CSMD1: variants seen among roughly 807,000 people sequenced by gnomAD.
CSMD1 encodes the protein CUB and Sushi multiple domains 1.
Under a neutral mutation model 417.5 loss-of-function variants are expected in CSMD1, and 213 were observed. The observed-to-expected ratio is 0.51, with a 90% CI of 0.46 to 0.57. The LOEUF is 0.57. Ranked by LOEUF, CSMD1 falls within the 20% of genes least tolerant of loss-of-function variation. The probability of loss-of-function intolerance (pLI) is 0.00; values close to 1 mark genes in which losing one functional copy is unlikely to be tolerated. For missense variants in CSMD1, 6,923 were observed against 4,529.7 expected, an observed-to-expected ratio of 1.53 and a Z score of -15.17; for synonymous variants, 2,862 against 1,736.8, an observed-to-expected ratio of 1.65 and a Z score of -16.11.
At chr8:3,521,081 C>T (rs1014028676) in intron 10 of CSMD1, among the ~76,000 whole-genome samples, 12 of 152,188 alleles carry the variant, frequency 7.9e-5, no homozygotes, top group African/African-American at 2.4e-4. Context: ...TCTAATTTTA[C>T]TGTCATTATC....
chr8:3,159,246 CT>C (rs1401972925), intron 38 of CSMD1, among the ~76,000 whole-genome samples: 2 of 152,128 alleles, frequency 1.3e-5, no homozygotes, highest in Non-Finnish European at 2.9e-5. Flanking sequence ...TAATATTCTG[CT>C]ATTGATTTTG....
At chr8:4,291,567 T>A (rs540329940) in intron 3 of CSMD1, among the ~76,000 whole-genome samples, 1 of 152,332 alleles carries the variant, frequency 6.6e-6, no homozygotes, top group Admixed American at 6.5e-5. Context: ...GTAGAAATTT[T>A]ATTAAAGCTG....
chr8:4,654,963 A>AT (rs1286815133), intron 1 of CSMD1, among the ~76,000 whole-genome samples: 8 of 151,264 alleles, frequency 5.3e-5, no homozygotes, highest in Non-Finnish European at 2.9e-5. Flanking sequence ...AAAAGTTAGT[A>AT]TTTTTTAAAA....
intron 3 of CSMD1, among the ~76,000 whole-genome samples, chr8:4,297,216 C>G (rs1479060406): frequency 6.6e-6 from 1 of 151,958 alleles, no homozygotes; most frequent in African/African-American, 2.4e-5. Flanking sequence ...CCTGGAGAAA[C>G]TGGGGACCAA....
intron 59 of CSMD1, 95 bp downstream of exon 59, chr8:2,965,680 G>T: frequency 1.9e-6 from 2 of 1,051,834 alleles, no homozygotes; most frequent in South Asian, 1.7e-5. Flanking sequence ...CTAGCCCCTA[G>T]AAGGGCTACA....
chr8:3,757,826 G>A (rs1797743075), intron 5 of CSMD1, among the ~76,000 whole-genome samples: 1 of 150,366 alleles, frequency 6.7e-6, no homozygotes, highest in Admixed American at 6.7e-5. Context: ...TCCAGCCTGG[G>A]TGAAAAGAGC....
rs1046205376 is a variant in CSMD1, at chr8:3,919,721, C to T, written c.818+78182G>A. Among the ~76,000 whole-genome samples the T allele has an allele frequency of 1.2e-4, 19 of 152,116 alleles. 1 individual carries two copies. The highest frequency in any genetic ancestry group is 5.8e-4 in the East Asian group (3 of 5,176). ...TGCTTTGAATCTGTAGATGACTTTGCGTAGTATGGACATTTTAAAAATATT... is the reference window on the plus strand; with the variant it reads ...TGCTTTGAATCTGTAGATGACTTTGTGTAGTATGGACATTTTAAAAATATT... On this transcript the variant is annotated intron_variant, in intron 5 of 69. Coordinates refer to ENST00000635120, the MANE Select transcript of CSMD1 (RefSeq NM_033225.6).
At chr8:4,353,706 C>A (rs57789446) in intron 3 of CSMD1, among the ~76,000 whole-genome samples, 2 of 151,912 alleles carry the variant, frequency 1.3e-5, no homozygotes, top group Non-Finnish European at 2.9e-5. Context: ...TAAGAAAAAT[C>A]TTCTTTGTGA....
chr8:4,820,722 T>C (rs1368386310), intron 1 of CSMD1, among the ~76,000 whole-genome samples: 3 of 152,180 alleles, frequency 2.0e-5, no homozygotes, highest in East Asian at 3.9e-4. Flanking sequence ...CATGGACTAA[T>C]AAGGATCTAA....
In CSMD1 at chr8:4,364,824, C is replaced by CAAAA. The variant is rs60925117; in HGVS notation, c.415+55125_415+55128dup. On this transcript the variant is annotated intron_variant, in intron 3 of 69. Coordinates refer to ENST00000635120, the MANE Select transcript of CSMD1 (RefSeq NM_033225.6). ...TGCGCGACAGAGCGAGACTCCTTCT[C>CAAAA]AAAAAAAAAAAAAAAAAAAAAAAAA... 2.4e-5 allele frequency among the ~76,000 whole-genome samples: 2 copies of CAAAA among 84,856 alleles called. 1 individual carries two copies. Among genetic ancestry groups the CAAAA allele is most frequent in the Admixed American group, 2.7e-4 (2 of 7,280 alleles). 55.7% of individuals were successfully genotyped at this position (84,856 alleles called of 152,430 possible).
chr8:4,808,236 A>C (rs986214850), intron 1 of CSMD1, among the ~76,000 whole-genome samples: 2 of 152,196 alleles, frequency 1.3e-5, no homozygotes, highest in African/African-American at 4.8e-5. Flanking sequence ...GGGTTGCTGC[A>C]TTAGGAACGA....
chr8:4,458,408 T>C (rs575575857), intron 2 of CSMD1, among the ~76,000 whole-genome samples: 11 of 152,320 alleles, frequency 7.2e-5, no homozygotes, highest in South Asian at 6.2e-4. Context: ...ATGGGGATTA[T>C]TGGCAGTGAT....
chr8:4,876,592 C>A (rs762610826), intron 1 of CSMD1, among the ~76,000 whole-genome samples: 28 of 151,914 alleles, frequency 1.8e-4, no homozygotes, highest in Non-Finnish European at 3.4e-4. Context: ...ATAATATAGC[C>A]TTTTTTTGTA....
intron 3 of CSMD1, among the ~76,000 whole-genome samples, chr8:4,241,052 C>T (rs1178267608): frequency 6.6e-6 from 1 of 152,154 alleles, no homozygotes; most frequent in East Asian, 1.9e-4. Context: ...TTTAATGAAG[C>T]TACCCCTATG....
At chr8:3,969,001 AG>A (rs1328343198) in intron 5 of CSMD1, among the ~76,000 whole-genome samples, 30 of 152,334 alleles carry the variant, frequency 2.0e-4, no homozygotes, top group African/African-American at 7.2e-4. Flanking sequence ...CTGTACTATC[AG>A]CACTTTGGAA....
intron 10 of CSMD1, among the ~76,000 whole-genome samples, chr8:3,518,225 T>A (rs1797361711): frequency 6.6e-6 from 1 of 152,210 alleles, no homozygotes. Flanking sequence ...AATCTTTTTG[T>A]AGTTTTAATT....
At chr8:4,444,049 A>G (rs1479774828) in intron 2 of CSMD1, among the ~76,000 whole-genome samples, 1 of 152,146 alleles carries the variant, frequency 6.6e-6, no homozygotes, top group African/African-American at 2.4e-5. Flanking sequence ...TGAGAAGAGT[A>G]AGATAGAGGT....
intron 5 of CSMD1, among the ~76,000 whole-genome samples, chr8:3,938,521 G>A (rs1243056535): frequency 3.9e-5 from 6 of 152,152 alleles, no homozygotes; most frequent in African/African-American, 1.4e-4. Context: ...ACAATGGACA[G>A]ACTCTGTTGG....
chr8:4,327,904 C>T (rs1483624373), intron 3 of CSMD1, among the ~76,000 whole-genome samples: 1 of 152,064 alleles, frequency 6.6e-6, no homozygotes, highest in Non-Finnish European at 1.5e-5. Context: ...CTTCCAGGTC[C>T]CTAATTTTCC....
Sources: allele counts gnomAD v4.1 joint callset (sites outside exome capture counted in the v4.1 genomes callset), GRCh38; gene constraint gnomAD v4.1.1; transcripts MANE v1.5; gene names NCBI Gene and HGNC (gene_info 2026-07-23, HGNC 2026-07-21).